The following KCNT2 variants were observed in gnomAD, a reference collection of about 807,000 sequenced individuals.
The protein encoded by KCNT2 is potassium channel subfamily T member 2.
Under a neutral mutation model 153.8 loss-of-function variants are expected in KCNT2, and 67 were observed. The ratio of observed to expected loss-of-function variants is 0.44; its 90% confidence interval spans 0.36 to 0.53. The LOEUF is 0.53. KCNT2 is among the 20% of genes least tolerant of loss of function. The probability of loss-of-function intolerance (pLI) is 0.00; values close to 1 mark genes in which losing one functional copy is unlikely to be tolerated. For synonymous variants in KCNT2, 500 were observed against 458.8 expected, an observed-to-expected ratio of 1.09 and a Z score of -1.15; for missense variants, 975 against 1,354.8, an observed-to-expected ratio of 0.72 and a Z score of 4.40.
At chr1:196,337,411 C>T (rs1665141692) in intron 16 of KCNT2, among the ~76,000 whole-genome samples, 1 of 152,094 alleles carries the variant, frequency 6.6e-6, no homozygotes, top group South Asian at 2.1e-4. Flanking sequence ...GTTGAGCACT[C>T]AGCATAGGTG....
At chr1:196,494,677 C>A (rs1021211664) in intron 1 of KCNT2, among the ~76,000 whole-genome samples, 1 of 151,914 alleles carries the variant, frequency 6.6e-6, no homozygotes, top group African/African-American at 2.4e-5. Context: ...TCATCTAAAG[C>A]CTTAACAAAA....
intron 12 of KCNT2, among the ~76,000 whole-genome samples, chr1:196,406,553 A>C (rs2148466682): frequency 6.6e-6 from 1 of 150,930 alleles, no homozygotes; most frequent in South Asian, 2.1e-4. Flanking sequence ...CTATAGGCTC[A>C]ACAGTGGCCT....
chr1:196,360,483 C>A (rs1211970872), intron 14 of KCNT2, among the ~76,000 whole-genome samples: 1 of 152,104 alleles, frequency 6.6e-6, no homozygotes, highest in African/African-American at 2.4e-5. Context: ...TGTTCCTCAG[C>A]CAAGTGTGTC....
chr1:196,416,003 A>G (rs1341477387), intron 12 of KCNT2, among the ~76,000 whole-genome samples: 2 of 152,030 alleles, frequency 1.3e-5, no homozygotes, highest in Non-Finnish European at 2.9e-5. Flanking sequence ...ATTCTAGAAA[A>G]AAACAATTTA....
At chr1:196,250,085 A>C (rs1480283488) in intron 26 of KCNT2, among the ~76,000 whole-genome samples, 1 of 152,092 alleles carries the variant, frequency 6.6e-6, no homozygotes, top group Non-Finnish European at 1.5e-5. Flanking sequence ...TCTTCACACA[A>C]ATAAAAAAAA....
At chr1:196,424,672 GT>G (rs886992662) in intron 11 of KCNT2, among the ~76,000 whole-genome samples, 6 of 147,392 alleles carry the variant, frequency 4.1e-5, no homozygotes, top group Admixed American at 6.8e-5. Context: ...TTCTCGTGCT[GT>G]TTTTTTTTCA....
At chr1:196,449,921 C>T (rs908353255) in intron 8 of KCNT2, among the ~76,000 whole-genome samples, 3 of 151,666 alleles carry the variant, frequency 2.0e-5, no homozygotes, top group Non-Finnish European at 2.9e-5. Flanking sequence ...TAGGAAAATG[C>T]TTTTATAATA....
At position 196,312,564 on chromosome 1, in the gene KCNT2, T is replaced by C. The variant is rs531863460; in HGVS notation, c.2483+3328A>G. 3.3e-5 allele frequency among the ~76,000 whole-genome samples: 5 copies of C among 151,836 alleles called. No individual in the cohort carries two copies. The East Asian group carries it at 5.9e-4, about 18-fold the overall frequency. ...ATAAACAATGTGATACGTGCATGCA[T>C]TGGTTTAAGTTAAATACCAGGTGCA... is the stretch of plus-strand genomic sequence containing the variant. On this transcript the variant is annotated intron_variant, in intron 21 of 27. Coordinates refer to ENST00000294725, the MANE Select transcript of KCNT2 (RefSeq NM_198503.5).
intron 21 of KCNT2, among the ~76,000 whole-genome samples, chr1:196,306,539 G>A (rs1029727079): frequency 6.6e-6 from 1 of 152,058 alleles, no homozygotes; most frequent in Non-Finnish European, 1.5e-5. Flanking sequence ...TGGATGATTT[G>A]CCAGGAATGC....
At chr1:196,357,485 T>C (rs1339582285) in intron 14 of KCNT2, among the ~76,000 whole-genome samples, 1 of 151,948 alleles carries the variant, frequency 6.6e-6, no homozygotes, top group Non-Finnish European at 1.5e-5. Context: ...CAATCCCTTG[T>C]GGAGACTGAG....
chr1:196,479,258 T>G lies in KCNT2; in HGVS notation c.325-20A>C. 6.9e-7 allele frequency: 1 copy of G among 1,443,736 alleles called. No homozygotes were observed. The highest frequency in any genetic ancestry group is 2.3e-5 in the East Asian group (1 of 43,896). 89.4% of individuals were successfully genotyped at this position (1,443,736 alleles called of 1,614,324 possible). On this transcript the variant is annotated intron_variant, in intron 4 of 27. Transcript: ENST00000294725. ...TGAAACCTGAAAGATAAATTGTAAC[T>G]TAATGAGAAAACGCAATACAATTAA...
intron 1 of KCNT2, among the ~76,000 whole-genome samples, chr1:196,584,096 A>C (rs1426234854): frequency 6.6e-6 from 1 of 151,900 alleles, no homozygotes; most frequent in Admixed American, 6.6e-5. Flanking sequence ...AGGAACTATA[A>C]AGGCAGGGTC....
intron 6 of KCNT2, 91 bp from the exon 7 acceptor site, chr1:196,467,877 A>G: frequency 1.6e-6 from 1 of 611,982 alleles, no homozygotes; most frequent in East Asian, 2.9e-5. Flanking sequence ...AAAAGCTGTT[A>G]AAGAAAGTAT....
intron 25 of KCNT2, among the ~76,000 whole-genome samples, chr1:196,260,252 T>G (rs557414885): frequency 5.9e-4 from 89 of 152,056 alleles, no homozygotes; most frequent in Admixed American, 2.6e-3. Context: ...TATGTTCATC[T>G]AATATCACTT....
intron 12 of KCNT2, among the ~76,000 whole-genome samples, chr1:196,408,005 A>T (rs1671973750): frequency 6.6e-6 from 1 of 150,938 alleles, no homozygotes; most frequent in Non-Finnish European, 1.5e-5. Context: ...ATTTTAGAAA[A>T]TTTTCCATTA....
At chr1:196,599,117 T>A (rs1558123373) in intron 1 of KCNT2, among the ~76,000 whole-genome samples, 1 of 152,236 alleles carries the variant, frequency 6.6e-6, no homozygotes, top group Non-Finnish European at 1.5e-5. Context: ...TGCAGCTTGC[T>A]GATCACCCTA....
At chr1:196,347,440 T>A (rs1427289050) in intron 14 of KCNT2, among the ~76,000 whole-genome samples, 1 of 152,202 alleles carries the variant, frequency 6.6e-6, no homozygotes, top group Non-Finnish European at 1.5e-5. Context: ...TGATTTGTAC[T>A]CACCTATTTG....
intron 14 of KCNT2, among the ~76,000 whole-genome samples, chr1:196,369,159 T>C (rs1332166749): frequency 1.3e-5 from 2 of 152,098 alleles, no homozygotes; most frequent in African/African-American, 4.8e-5. Flanking sequence ...ACAAAGAAAA[T>C]GAATTGCTAA....
At chr1:196,443,780 T>C (rs1189612837) in intron 8 of KCNT2, among the ~76,000 whole-genome samples, 4 of 151,570 alleles carry the variant, frequency 2.6e-5, no homozygotes, top group Admixed American at 1.3e-4. Context: ...ATTCATCTTA[T>C]GTTAATTTGA....
Sources: gnomAD v4.1 joint callset for allele counts (sites outside exome capture counted in the v4.1 genomes callset) on GRCh38, gnomAD v4.1.1 for gene constraint, MANE v1.5 for transcripts, NCBI Gene and HGNC (gene_info 2026-07-23, HGNC 2026-07-21) for gene names.